The following MAP2 variants were observed in gnomAD, a reference collection of about 807,000 sequenced individuals.
MAP2 encodes the protein microtubule associated protein 2, also known as microtubule-associated protein 2.
Under a neutral mutation model 137.6 loss-of-function variants are expected in MAP2, and 14 were observed. The observed-to-expected ratio is 0.10, with a 90% confidence interval of 0.07 to 0.16. The LOEUF (loss-of-function observed/expected upper bound fraction) is 0.16, where lower values mean the gene tolerates loss of function less well. Ranked by LOEUF, MAP2 falls within the 10% of genes least tolerant of loss-of-function variation. The probability of loss-of-function intolerance (pLI) is 1.00; values close to 1 mark genes in which losing one functional copy is unlikely to be tolerated. For synonymous variants in MAP2, 786 were observed against 782.3 expected (o/e 1.00, Z -0.08); for missense variants, 2,088 against 2,191.5 (o/e 0.95, Z 0.94).
intron 5 of MAP2, among the ~76,000 whole-genome samples, chr2:209,655,107 GT>G (rs2095059609): frequency 6.6e-6 from 1 of 152,174 alleles, no homozygotes; most frequent in South Asian, 2.1e-4. Flanking sequence ...TCAAGTCAGT[GT>G]ATTATCACCA....
chr2:209,567,828 A>T (rs879645994), intron 2 of MAP2, among the ~76,000 whole-genome samples: 2 of 152,084 alleles, frequency 1.3e-5, no homozygotes, highest in East Asian at 3.9e-4. Context: ...TTTAAAAGCC[A>T]GTATATCTTT....
At chr2:209,690,385 C>T (rs2058492648) in intron 7 of MAP2, among the ~76,000 whole-genome samples, 1 of 152,088 alleles carries the variant, frequency 6.6e-6, no homozygotes, top group Admixed American at 6.5e-5. Flanking sequence ...CTTTAAAAGT[C>T]ATCACTATTA....
Position 209,733,880 on chromosome 2 carries a change from A to G in MAP2, c.*3483A>G, listed in dbSNP as rs1019653842. 6.7e-6 allele frequency: 1 copy of G among 149,298 alleles called. No individual in the cohort carries two copies. Among genetic ancestry groups the G allele is most frequent in the African/African-American group, 2.5e-5 (1 of 39,718 alleles). 9.2% of individuals were successfully genotyped at this position (149,298 alleles called of 1,614,324 possible). A position where few individuals can be genotyped will look rare whatever the true frequency, so the allele number is the denominator to read the frequency against. On this transcript the variant is annotated 3_prime_UTR_variant, in exon 16 of 16. Transcript: ENST00000682079. ...AAAATCTACTTCAACTTTAGCAAAAAGAAAAAAAAATCAACAAAAAGTATA... is the reference window on the plus strand; with the variant it reads ...AAAATCTACTTCAACTTTAGCAAAAGGAAAAAAAAATCAACAAAAAGTATA...
intron 3 of MAP2, among the ~76,000 whole-genome samples, chr2:209,582,034 G>A (rs2076540930): frequency 6.6e-6 from 1 of 152,034 alleles, no homozygotes; most frequent in South Asian, 2.1e-4. Flanking sequence ...CAATATTGTG[G>A]TGAGTTAATT....
intron 10 of MAP2, among the ~76,000 whole-genome samples, chr2:209,698,395 GAC>G (rs1270595621): frequency 6.6e-6 from 1 of 152,120 alleles, no homozygotes; most frequent in Non-Finnish European, 1.5e-5. Flanking sequence ...TCTACAAAAT[GAC>G]AGATTGCTAA....
intron 4 of MAP2, among the ~76,000 whole-genome samples, chr2:209,641,005 G>T (rs1448655803): frequency 6.6e-6 from 1 of 151,462 alleles, no homozygotes; most frequent in East Asian, 1.9e-4. Flanking sequence ...AGTTTACCTG[G>T]ATCATGGCCC....
At chr2:209,704,100 A>G in intron 11 of MAP2, 3 of 451,488 alleles carry the variant, frequency 6.6e-6, no homozygotes, top group South Asian at 1.6e-5. Context: ...ACTTCCCAAT[A>G]GGAAGTTTTT....
intron 3 of MAP2, among the ~76,000 whole-genome samples, chr2:209,608,921 C>T (rs1314482252): frequency 1.3e-5 from 2 of 151,966 alleles, no homozygotes; most frequent in African/African-American, 2.4e-5. Context: ...TTATGTGTAA[C>T]TTTACAAAGC....
intron 4 of MAP2, among the ~76,000 whole-genome samples, chr2:209,645,534 G>A (rs1330201295): frequency 1.3e-5 from 2 of 151,938 alleles, no homozygotes; most frequent in African/African-American, 4.8e-5. Flanking sequence ...CTATCTGAAA[G>A]GTCTAAAATA....
At chr2:209,621,152 G>C (rs560750629) in intron 3 of MAP2, among the ~76,000 whole-genome samples, 2 of 151,106 alleles carry the variant, frequency 1.3e-5, no homozygotes, top group Admixed American at 6.6e-5. Flanking sequence ...CCGAGATCAC[G>C]CCATTGCACT....
At chr2:209,540,630 C>CAAAAAAAAAAAAAAAAAAAA (rs749183996) in intron 2 of MAP2, among the ~76,000 whole-genome samples, 3 of 27,588 alleles carry the variant, frequency 1.1e-4, no homozygotes, top group African/African-American at 1.4e-4. Context: ...GACTCCGTCT[C>CAAAAAAAAAAAAAAAAAAAA]AAAAAAAAAA....
intron 4 of MAP2, among the ~76,000 whole-genome samples, chr2:209,649,459 A>G (rs975938195): frequency 2.0e-5 from 3 of 152,226 alleles, no homozygotes; most frequent in African/African-American, 7.2e-5. Flanking sequence ...GAGATAATCT[A>G]TGACCCCAAA....
At chr2:209,568,123 T>G (rs1192827682) in intron 2 of MAP2, among the ~76,000 whole-genome samples, 2 of 152,024 alleles carry the variant, frequency 1.3e-5, no homozygotes, top group African/African-American at 4.8e-5. Flanking sequence ...ATTAATTCTC[T>G]CTTCTCATCT....
chr2:209,451,979 C>T (rs1020968647), intron 1 of MAP2, among the ~76,000 whole-genome samples: 3 of 152,112 alleles, frequency 2.0e-5, no homozygotes, highest in African/African-American at 7.2e-5. Context: ...CAGCCTAGAA[C>T]TCTGTTTTTC....
chr2:209,693,412 C>T lies in MAP2; in HGVS notation c.1242C>T (p.Ala414=), dbSNP rs1321795445. 1 of 1,613,162 alleles carries T rather than the reference C, an allele frequency of 6.2e-7. No homozygotes were observed. The highest frequency in any genetic ancestry group is 8.5e-7 in the Non-Finnish European group (1 of 1,179,792). ...MGKVLEEEKE[A]INQETVQQRD... ...AAGTTTTAGAGGAAGAAAAGGAGGC[C>T]ATAAATCAAGAGACTGTGCAGCAAA... The change falls in exon 8 of 16, where the codon GCC becomes GCT. Residue 414 remains alanine (A), a synonymous_variant. Coordinates refer to ENST00000682079, the MANE Select transcript of MAP2 (RefSeq NM_001375505.1).
At chr2:209,477,842 T>TAAAA (rs540336538) in intron 1 of MAP2, among the ~76,000 whole-genome samples, 1 of 131,740 alleles carries the variant, frequency 7.6e-6, no homozygotes, top group South Asian at 2.5e-4. Flanking sequence ...TACAAAATAT[T>TAAAA]AAAAAAAAAA....
intron 1 of MAP2, among the ~76,000 whole-genome samples, chr2:209,470,831 G>A (rs562006074): frequency 6.6e-5 from 10 of 152,220 alleles, no homozygotes; most frequent in Admixed American, 1.3e-4. Context: ...AAAACCACTT[G>A]CACATTATCT....
intron 1 of MAP2, among the ~76,000 whole-genome samples, chr2:209,446,450 A>T (rs187687614): frequency 2.8e-4 from 43 of 151,960 alleles, no homozygotes; most frequent in African/African-American, 1.0e-3. Context: ...TTCTGGAAAA[A>T]AATAGAATCA....
intron 2 of MAP2, chr2:209,579,266 T>TGGGC (rs1339725716): frequency 6.0e-4 from 42 of 69,750 alleles, no homozygotes; most frequent in African/African-American, 1.6e-3. Flanking sequence ...GGTGTGTGTG[T>TGGGC]GTGCGTGCGT....
Sources: allele counts gnomAD v4.1 joint callset (sites outside exome capture counted in the v4.1 genomes callset), GRCh38; gene constraint gnomAD v4.1.1; transcripts MANE v1.5; gene names NCBI Gene and HGNC (gene_info 2026-07-23, HGNC 2026-07-21).